The following LMO3 variants were observed in gnomAD, a reference collection of about 807,000 sequenced individuals.
LMO3 encodes LIM domain only protein 3.
A neutral mutation model predicts 15.8 loss-of-function variants in LMO3; 2 were observed. That is an observed-to-expected ratio of 0.13 (90% CI 0.05 to 0.40). The LOEUF (loss-of-function observed/expected upper bound fraction) is 0.40. Ranked by LOEUF, LMO3 falls within the 10% of genes least tolerant of loss-of-function variation. The pLI, the probability that LMO3 is intolerant of heterozygous loss-of-function variation, is 0.99. For synonymous variants in LMO3, 62 were observed against 63.8 expected, an observed-to-expected ratio of 0.97 and a Z score of 0.13; for missense variants, 86 against 182.2, an observed-to-expected ratio of 0.47 and a Z score of 3.04.
chr12:16,582,360 T>G lies in LMO3; in HGVS notation c.206+18295A>C, dbSNP rs994122854. ...CTATAGTATTATTCATTTTAGACAG[T>G]GACAGACTATTTGCTAATATCTTTC... On this transcript the variant is annotated intron_variant, in intron 2 of 3. Coordinates refer to ENST00000537304, the MANE Select transcript of LMO3 (RefSeq NM_018640.5). The surrounding 1 kb of genome is among the most constrained non-coding windows in gnomAD (Gnocchi z 4.1). Among the ~76,000 whole-genome samples the G allele has an allele frequency of 1.3e-5, 2 of 152,350 alleles. No homozygotes were observed. The highest frequency in any genetic ancestry group is 6.8e-3 in the Middle Eastern group (2 of 294).
At chr12:16,562,727 C>A (rs1942446928) in intron 2 of LMO3, among the ~76,000 whole-genome samples, 1 of 152,164 alleles carries the variant, frequency 6.6e-6, no homozygotes, top group African/African-American at 2.4e-5. Context: ...CACTTCCAGG[C>A]CCAGGAAAAT....
chr12:16,558,089 T>C (rs923795806), intron 3 of LMO3, among the ~76,000 whole-genome samples: 6 of 151,950 alleles, frequency 3.9e-5, no homozygotes, highest in Admixed American at 2.0e-4. Context: ...TAATGGCAGG[T>C]AAAAAAGGCA....
intron 2 of LMO3, among the ~76,000 whole-genome samples, chr12:16,580,608 A>G (rs1156635147): frequency 6.6e-6 from 1 of 152,204 alleles, no homozygotes; most frequent in East Asian, 1.9e-4. Context: ...GCATGGAAAA[A>G]TGTAGATCAT....
intron 2 of LMO3, among the ~76,000 whole-genome samples, chr12:16,578,410 G>A (rs1943059189): frequency 1.3e-5 from 2 of 152,196 alleles, no homozygotes; most frequent in Admixed American, 1.3e-4. Flanking sequence ...AGGTAGAAGG[G>A]ATGGAGGAAC....
chr12:16,603,625 A>G lies in LMO3; in HGVS notation c.-9+2441T>C, dbSNP rs1422603167. ...GAAATCATAATTAAAAAAAAGACAT[A>G]AATAATAGCCTGTGCAGTGTGGTGT... On this transcript the variant is annotated intron_variant, in intron 1 of 3. Transcript: ENST00000537304. The surrounding 1 kb of genome is among the most constrained non-coding windows in gnomAD (Gnocchi z 4.9). 6.6e-6 allele frequency among the ~76,000 whole-genome samples: 1 copy of G among 152,202 alleles called. No homozygotes were observed. The highest frequency in any genetic ancestry group is 1.9e-4 in the East Asian group (1 of 5,206).
At chr12:16,594,443 T>C (rs765942141) in intron 2 of LMO3, 20 of 466,162 alleles carry the variant, frequency 4.3e-5, no homozygotes, top group Non-Finnish European at 6.7e-5. Context: ...TATTTTTATT[T>C]TTATTCCCTT....
intron 1 of LMO3, 130 bp downstream of exon 1, chr12:16,605,936 C>A (rs559376274): frequency 1.6e-5 from 17 of 1,045,706 alleles, no homozygotes; most frequent in Non-Finnish European, 2.3e-5. Context: ...TGGGTTGCAG[C>A]TCCAGTTTAT....
chr12:16,600,359 C>T (rs1283721368), intron 2 of LMO3: 3 of 228,924 alleles, frequency 1.3e-5, no homozygotes, highest in African/African-American at 2.3e-5. Flanking sequence ...ATGCTGATTT[C>T]GACCAAATAC....
upstream of LMO3, chr12:16,606,910 G>A (rs971141690): frequency 2.0e-5 from 3 of 152,126 alleles, no homozygotes; most frequent in African/African-American, 7.2e-5. Context: ...TGGAATAGGT[G>A]GCTACATTTA....
intron 1 of LMO3, among the ~76,000 whole-genome samples, chr12:16,602,942 T>C (rs2137718296): frequency 6.6e-6 from 1 of 152,216 alleles, no homozygotes. Context: ...TTCTATTAAA[T>C]TTGTAAGGCT....
intron 1 of LMO3, chr12:16,605,430 C>T (rs1390020709): frequency 6.7e-6 from 6 of 898,684 alleles, no homozygotes; most frequent in Non-Finnish European, 7.9e-6. Context: ...CTGCCCCTAC[C>T]CGCCTGCCCC....
chr12:16,605,989 C>T (rs989731272), intron 1 of LMO3, 77 bp downstream of exon 1: 4 of 631,378 alleles, frequency 6.3e-6, no homozygotes, highest in Non-Finnish European at 8.3e-6. Context: ...TACCCACATC[C>T]GCACACGCAC....
At position 16,604,594 on chromosome 12, in the gene LMO3, T is replaced by C. The variant is rs1011470980; in HGVS notation, c.-9+1472A>G. The C allele has an allele frequency of 7.9e-6, 4 of 506,038 alleles. No homozygotes were observed. The South Asian group carries it at 1.1e-4, about 14-fold the overall frequency. 31.3% of individuals were successfully genotyped at this position (506,038 alleles called of 1,614,324 possible). A position where few individuals can be genotyped will look rare whatever the true frequency, so the allele number is the denominator to read the frequency against. On this transcript the variant is annotated intron_variant, in intron 1 of 3. Coordinates refer to ENST00000537304, the MANE Select transcript of LMO3 (RefSeq NM_018640.5). This position sits in a 1 kb window ranked among gnomAD's most constrained non-coding sequence, Gnocchi z 5.3. ...AAAAAAATAAGAAACATACATACAC[T>C]CTAACAAAGAATCCCTTGCGGAGTT...
At chr12:16,566,803 T>C (rs1341092177) in intron 2 of LMO3, among the ~76,000 whole-genome samples, 1 of 152,140 alleles carries the variant, frequency 6.6e-6, no homozygotes, top group Non-Finnish European at 1.5e-5. Context: ...ATTCATTCTC[T>C]CTCCAAACAT....
In LMO3 at chr12:16,604,263, A is replaced by G. The variant is rs1943917908; in HGVS notation, c.-9+1803T>C. 6.6e-6 allele frequency among the ~76,000 whole-genome samples: 1 copy of G among 152,136 alleles called. No homozygotes were observed. Among genetic ancestry groups the G allele is most frequent in the South Asian group, 2.1e-4 (1 of 4,826 alleles). ...TACAGGCTGCAGCCCCCTAAGGGAC[A>G]ACAATGCAAATAGATGTCCCCAGAT... On this transcript the variant is annotated intron_variant, in intron 1 of 3. Coordinates refer to ENST00000537304, the MANE Select transcript of LMO3 (RefSeq NM_018640.5). The surrounding 1 kb of genome is among the most constrained non-coding windows in gnomAD (Gnocchi z 5.3).
At chr12:16,605,371 T>C in intron 1 of LMO3, 1 of 1,180,098 alleles carries the variant, frequency 8.5e-7, no homozygotes, top group South Asian at 2.6e-5. Flanking sequence ...TCTCAATCTA[T>C]TAGGATATAG....
Position 16,555,470 on chromosome 12 carries a change from A to C in LMO3, c.333-4143T>G, listed in dbSNP as rs1942159060. On this transcript the variant is annotated intron_variant, in intron 3 of 3. Transcript: ENST00000537304. The surrounding 1 kb of genome is among the most constrained non-coding windows in gnomAD (Gnocchi z 5.5). ...ATATTTCTTTTGAACCCTTTGCAGA[A>C]CCATCATAAACTGTACTACCACTTA... Among the ~76,000 whole-genome samples, 1 of 152,226 alleles carries C rather than the reference A, an allele frequency of 6.6e-6. No individual in the cohort carries two copies. Among genetic ancestry groups the C allele is most frequent in the Admixed American group, 6.5e-5 (1 of 15,286 alleles).
intron 3 of LMO3, among the ~76,000 whole-genome samples, chr12:16,558,754 T>C (rs1942284301): frequency 6.6e-6 from 1 of 152,136 alleles, no homozygotes; most frequent in Admixed American, 6.5e-5. Context: ...GAAACACTAT[T>C]GTGATACATG....
chr12:16,588,630 T>G (rs542112610), intron 2 of LMO3, among the ~76,000 whole-genome samples: 207 of 152,176 alleles, frequency 1.4e-3, no homozygotes, highest in African/African-American at 4.9e-3. Flanking sequence ...CACACTACAA[T>G]CTTAATTTAA....
Sources: gnomAD v4.1 joint callset for allele counts (sites outside exome capture counted in the v4.1 genomes callset) on GRCh38, gnomAD v4.1.1 for gene constraint, Gnocchi (gnomAD v3.1) non-coding constraint, MANE v1.5 for transcripts, NCBI Gene and HGNC (gene_info 2026-07-23, HGNC 2026-07-21) for gene names.